Variants in IFT122 observed in about 807,000 individuals in gnomAD.
The protein encoded by IFT122 is intraflagellar transport 122.
In IFT122, 118 loss-of-function variants were observed where a neutral mutation model predicts 161.6. That is an observed-to-expected ratio of 0.73 (90% CI 0.63 to 0.85). IFT122 has a LOEUF of 0.85. Ranked by LOEUF, IFT122 falls within the 40% of genes least tolerant of loss-of-function variation. The pLI, the probability that IFT122 is intolerant of heterozygous loss-of-function variation, is 0.00. For missense variants in IFT122, 1,381 were observed against 1,579.6 expected (o/e 0.87, Z 2.13); for synonymous variants, 550 against 602.4 (o/e 0.91, Z 1.27).
chr3:129,443,628 T>C (rs1282861721), intron 1 of IFT122, among the ~76,000 whole-genome samples: 8 of 152,240 alleles, frequency 5.3e-5, no homozygotes, highest in Admixed American at 3.9e-4. Context: ...TCCACAAATA[T>C]GTAGAACATG....
rs1334353830 is a variant in IFT122, at chr3:129,500,061, G to A, written c.2368G>A (p.Val790Ile). ...AIEICGDHGWVDMLIDIARKL... is the reference protein window; with the variant it reads ...AIEICGDHGWIDMLIDIARKL... ...CGAGATCTGTGGTGACCATGGCTGG[G>A]TTGACATGTAGGTTTTGGTCCCTGC... The change falls in exon 19 of 30, where the codon GTT (valine) becomes ATT (isoleucine). Residue 790 changes from valine to isoleucine, a missense_variant. Physicochemically the swap from Val to Ile is conservative, Grantham distance 29. Around this residue, in one of 7 missense-constraint regions of IFT122, gnomAD observed 496 missense variants for 502.5 expected, o/e 0.99. Transcript: ENST00000348417. 1.2e-6 allele frequency: 2 copies of A among 1,614,178 alleles called. No homozygotes were observed. Among genetic ancestry groups the A allele is most frequent in the African/African-American group, 2.7e-5 (2 of 75,048 alleles).
chr3:129,515,655 A>T, intron 26 of IFT122, 56 bp downstream of exon 26: 1 of 1,454,866 alleles, frequency 6.9e-7, no homozygotes, highest in Non-Finnish European at 9.7e-7. Context: ...AGCCAGGCTC[A>T]CTCCACTGCT....
intron 3 of IFT122, among the ~76,000 whole-genome samples, chr3:129,453,036 A>G (rs2075039885): frequency 1.3e-5 from 2 of 152,192 alleles, no homozygotes; most frequent in South Asian, 4.1e-4. Context: ...GAGATGGAAA[A>G]GACTGCAGGT....
At chr3:129,447,415 A>C (rs4456858) in intron 1 of IFT122, among the ~76,000 whole-genome samples, 11,292 of 152,198 alleles carry the variant, frequency 0.074, 1,132 homozygotes, top group East Asian at 0.41. Context: ...GATCAACAGA[A>C]AGGAATGTCT....
At chr3:129,487,671 G>A (rs546543875) in intron 15 of IFT122, 13 of 172,132 alleles carry the variant, frequency 7.6e-5, no homozygotes, top group East Asian at 3.0e-4. Flanking sequence ...ATTCCAGACC[G>A]CTTCCTCCCA....
chr3:129,479,665 G>C (rs529615032), intron 12 of IFT122, 120 bp from the exon 13 acceptor site: 1 of 1,252,112 alleles, frequency 8.0e-7, no homozygotes, highest in East Asian at 2.3e-5. Flanking sequence ...CATTGGGTTA[G>C]ATAGATGGAT....
chr3:129,484,547 G>A (rs1041454513), intron 15 of IFT122, among the ~76,000 whole-genome samples: 1 of 152,134 alleles, frequency 6.6e-6, no homozygotes. Flanking sequence ...ATGTGTATAC[G>A]TATTGCTACC....
chr3:129,453,265 T>C (rs1306265856), intron 3 of IFT122, among the ~76,000 whole-genome samples: 1 of 152,050 alleles, frequency 6.6e-6, no homozygotes, highest in East Asian at 1.9e-4. Flanking sequence ...AGTAGGAATC[T>C]AATGGAAATT....
chr3:129,492,276 G>A (rs2080216857), intron 17 of IFT122, 82 bp downstream of exon 17: 1 of 1,090,362 alleles, frequency 9.2e-7, no homozygotes, highest in Non-Finnish European at 1.4e-6. Context: ...ACAGGCAAGA[G>A]CCTTGAGGAC....
intron 26 of IFT122, among the ~76,000 whole-genome samples, chr3:129,516,694 G>GCACACACACACA (rs771398986): frequency 2.2e-4 from 11 of 50,216 alleles, no homozygotes; most frequent in African/African-American, 9.8e-4. Flanking sequence ...GATTGCTCCT[G>GCACACACACACA]CACACACACA....
Position 129,514,819 on chromosome 3 carries a change from C to A in IFT122, c.3153+265C>A, listed in dbSNP as rs538321164. ...TGGCCTCCCTTGCTCCTTGCCCTCC[C>A]CTAGGCAAGCCCCACACCTCTGTGC... is the stretch of plus-strand genomic sequence containing the variant. On this transcript the variant is annotated intron_variant, in intron 25 of 29. Transcript: ENST00000348417. 1.9e-5 allele frequency: 11 copies of A among 567,570 alleles called. No homozygotes were observed. The African/African-American group carries it at 2.1e-4, about 11-fold the overall frequency. 35.2% of individuals were successfully genotyped at this position (567,570 alleles called of 1,614,324 possible). A position where few individuals can be genotyped will look rare whatever the true frequency, so the allele number is the denominator to read the frequency against.
chr3:129,502,535 C>T (rs541688623), intron 19 of IFT122, among the ~76,000 whole-genome samples, 176 bp from the exon 20 acceptor site: 1 of 152,268 alleles, frequency 6.6e-6, no homozygotes, highest in East Asian at 1.9e-4. Flanking sequence ...GCCACCTCTC[C>T]CAGATCCTGG....
chr3:129,476,800 AG>A lies in IFT122; in HGVS notation c.1147+1del, dbSNP rs760479392. 6 of 1,614,074 alleles carry A rather than the reference AG, an allele frequency of 3.7e-6. No homozygotes were observed. Among genetic ancestry groups the A allele is most frequent in the Non-Finnish European group, 8.5e-7 (1 of 1,180,044 alleles). On this transcript the variant is annotated frameshift_variant and splice_region_variant, in exon 11 of 30. Transcript: ENST00000348417. LOFTEE classifies it high-confidence loss of function. ...TGCAGCACCTGATCACTGAGCAGAA[AG>A]GTAAGAGGCAGGTCCAGACCTTGGG... ...IVQHLITEQKVRIKCKELVKK... is the reference protein window; with the variant it reads ...IVQHLITEQKXRIKCKELVKK...
intron 9 of IFT122, among the ~76,000 whole-genome samples, chr3:129,470,373 C>G (rs185818234): frequency 3.2e-4 from 48 of 152,166 alleles, no homozygotes; most frequent in African/African-American, 1.2e-3. Flanking sequence ...ACGCCATTCT[C>G]CTACCTCAGC....
intron 21 of IFT122, among the ~76,000 whole-genome samples, chr3:129,505,269 G>A (rs2082074317): frequency 6.6e-6 from 1 of 152,142 alleles, no homozygotes; most frequent in African/African-American, 2.4e-5. Flanking sequence ...CTGTTTTGCT[G>A]CCTATTTAGC....
chr3:129,519,711 C>T lies in IFT122; in HGVS notation c.3615C>T (p.Thr1205=). Residue 1205 remains threonine, a synonymous_variant, in exon 29 of 30, where the codon ACC becomes ACT. Transcript: ENST00000348417. ...CACTGCTGCCTGACGCCTCCATTAC[C>T]ATGTGCCCCTCCTGCTTCCAGGTAG... ...FRSLLPDASI[T]MCPSCFQMFH... 3 of 1,613,762 alleles carry T rather than the reference C, an allele frequency of 1.9e-6. No homozygotes were observed. The highest frequency in any genetic ancestry group is 1.1e-5 in the South Asian group (1 of 91,082).
intron 23 of IFT122, among the ~76,000 whole-genome samples, chr3:129,511,539 G>A (rs1002735675): frequency 6.6e-5 from 10 of 152,146 alleles, no homozygotes; most frequent in African/African-American, 2.4e-4. Flanking sequence ...TATTAGAAAT[G>A]GGCAATCTCA....
intron 5 of IFT122, 114 bp from the exon 6 acceptor site, chr3:129,463,446 C>T (rs1042603535): frequency 1.1e-5 from 9 of 816,060 alleles, no homozygotes; most frequent in Non-Finnish European, 1.9e-5. Context: ...TTTCATTCAG[C>T]ATAAAATCCT....
chr3:129,451,280 T>A (rs554725025), intron 2 of IFT122, among the ~76,000 whole-genome samples: 36 of 148,650 alleles, frequency 2.4e-4, no homozygotes, highest in East Asian at 3.9e-4. Flanking sequence ...TATTTTTTTT[T>A]ATTTTTATTT....
Sources: allele counts gnomAD v4.1 joint callset (sites outside exome capture counted in the v4.1 genomes callset), GRCh38; gene constraint gnomAD v4.1.1; regional missense constraint gnomAD v4.1.1; transcripts MANE v1.5; gene names NCBI Gene and HGNC (gene_info 2026-07-23, HGNC 2026-07-21).